SLC25A36: variants seen among roughly 807,000 people sequenced by gnomAD.
The protein encoded by SLC25A36 is epididymis secretory sperm binding protein.
Under a neutral mutation model 35.3 loss-of-function variants are expected in SLC25A36, and 24 were observed. The observed-to-expected ratio is 0.68, with a 90% confidence interval of 0.49 to 0.96. The LOEUF is 0.96. SLC25A36 is among the 40% of genes least tolerant of loss of function. SLC25A36 has a pLI of 0.00. For missense variants in SLC25A36, 294 were observed against 381.1 expected, an observed-to-expected ratio of 0.77 and a Z score of 1.90; for synonymous variants, 141 against 132.2, an observed-to-expected ratio of 1.07 and a Z score of -0.46.
chr3:140,975,849 G>A (rs1345431825), intron 6 of SLC25A36, among the ~76,000 whole-genome samples: 1 of 152,106 alleles, frequency 6.6e-6, no homozygotes, highest in Non-Finnish European at 1.5e-5. Flanking sequence ...TAATGCTATT[G>A]TTTCTTTGTA....
At chr3:140,976,081 G>T (rs193092612) in intron 6 of SLC25A36, among the ~76,000 whole-genome samples, 179 bp from the exon 7 acceptor site, 1 of 152,094 alleles carries the variant, frequency 6.6e-6, no homozygotes, top group East Asian at 1.9e-4. Context: ...ACATGATTTT[G>T]GCCATATTAG....
chr3:140,954,796 A>G (rs561293911), intron 1 of SLC25A36, among the ~76,000 whole-genome samples: 1 of 152,066 alleles, frequency 6.6e-6, no homozygotes, highest in East Asian at 1.9e-4. Flanking sequence ...AGTTTCTTTC[A>G]TTGTGTTAGC....
At chr3:140,950,423 T>C (rs1402465046) in intron 1 of SLC25A36, among the ~76,000 whole-genome samples, 4 of 152,228 alleles carry the variant, frequency 2.6e-5, no homozygotes, top group African/African-American at 9.7e-5. Flanking sequence ...TAATCCTATC[T>C]TGATTGGTTT....
intron 1 of SLC25A36, among the ~76,000 whole-genome samples, chr3:140,952,013 TTC>T (rs1253480438): frequency 6.8e-6 from 1 of 146,974 alleles, no homozygotes; most frequent in South Asian, 2.1e-4. Flanking sequence ...TTTCCTTTCT[TTC>T]TCTCTTTTTT....
chr3:140,975,842 T>C (rs924440502), intron 6 of SLC25A36, among the ~76,000 whole-genome samples: 57 of 152,226 alleles, frequency 3.7e-4, no homozygotes, highest in African/African-American at 1.3e-3. Flanking sequence ...AGATTAATAA[T>C]GCTATTGTTT....
chr3:140,954,975 A>G (rs1252719901), intron 1 of SLC25A36, among the ~76,000 whole-genome samples: 2 of 152,082 alleles, frequency 1.3e-5, no homozygotes, highest in Non-Finnish European at 2.9e-5. Flanking sequence ...TAGTTTCATC[A>G]TTTTAAACTT....
At chr3:140,949,468 G>T (rs1035206761) in intron 1 of SLC25A36, among the ~76,000 whole-genome samples, 2 of 152,140 alleles carry the variant, frequency 1.3e-5, no homozygotes, top group Non-Finnish European at 2.9e-5. Flanking sequence ...TATTCTATAA[G>T]ATCAATACAT....
chr3:140,947,331 T>C (rs1576475750), intron 1 of SLC25A36, among the ~76,000 whole-genome samples: 1 of 152,148 alleles, frequency 6.6e-6, no homozygotes, highest in Admixed American at 6.5e-5. Flanking sequence ...TTACTTTTAC[T>C]AAACCTGCCA....
rs555148538 is a variant in SLC25A36, at chr3:140,978,388, A to G, written c.*1935A>G. 4 of 152,308 alleles carry G rather than the reference A, an allele frequency of 2.6e-5. No individual in the cohort carries two copies. The highest frequency in any genetic ancestry group is 9.6e-5 in the African/African-American group (4 of 41,574). 9.4% of individuals were successfully genotyped at this position (152,308 alleles called of 1,614,324 possible). On this transcript the variant is annotated 3_prime_UTR_variant, in exon 7 of 7. Coordinates refer to ENST00000324194, the MANE Select transcript of SLC25A36 (RefSeq NM_001104647.3). Reference sequence around the variant, plus strand: ...TATCGTGTTTGCCTTTTCAGGTGCCATTTCTACTGCCTAATACAGTGCCAT... The same window carrying G: ...TATCGTGTTTGCCTTTTCAGGTGCCGTTTCTACTGCCTAATACAGTGCCAT...
chr3:140,958,477 A>G (rs1002253256), intron 2 of SLC25A36, among the ~76,000 whole-genome samples: 1 of 152,206 alleles, frequency 6.6e-6, no homozygotes, highest in African/African-American at 2.4e-5. Context: ...TCCCAATGTC[A>G]GGGGCCTCGC....
rs1456499099 is a variant in SLC25A36, at chr3:140,979,822, G to C, written c.*3369G>C. On this transcript the variant is annotated 3_prime_UTR_variant, in exon 7 of 7. Transcript: ENST00000324194. ...CTTTTGACTATTCATGTGAGGTTTGGTATCTTGCATTTATGTACATGGCTG... is the reference window on the plus strand; with the variant it reads ...CTTTTGACTATTCATGTGAGGTTTGCTATCTTGCATTTATGTACATGGCTG... 2 of 152,058 alleles carry C rather than the reference G, an allele frequency of 1.3e-5. No homozygotes were observed. Among genetic ancestry groups the C allele is most frequent in the African/African-American group, 4.8e-5 (2 of 41,406 alleles). 9.4% of individuals were successfully genotyped at this position (152,058 alleles called of 1,614,324 possible).
rs1173156258 is a variant in SLC25A36 at position 140,956,583 on chromosome 3, G to A, written c.98G>A (p.Arg33Gln). Residue 33 changes from arginine to glutamine, a missense_variant, in exon 2 of 7, where the codon CGA (arginine) becomes CAA (glutamine). Arg to Gln is a conservative substitution (Grantham distance 43). Around this residue, in one of 2 missense-constraint regions of SLC25A36, gnomAD observed 185 missense variants for 201.5 expected, o/e 0.92. Coordinates refer to ENST00000324194, the MANE Select transcript of SLC25A36 (RefSeq NM_001104647.3). ...LTCPLEVVKT[R>Q]LQSSSVTLYI... ...TGTCCACTGGAAGTTGTAAAAACAC[G>A]ACTGCAGTCATCTTCTGTGACGCTT... 9 of 1,611,642 alleles carry A rather than the reference G, an allele frequency of 5.6e-6. No individual in the cohort carries two copies. The highest frequency in any genetic ancestry group is 5.9e-6 in the Non-Finnish European group (7 of 1,179,538).
rs935629542 is a variant in SLC25A36, at chr3:140,976,594, A to G, written c.*141A>G. ...TCTAAGTGGAAGTTTTGTTGTAGGA[A>G]TTATAGTAATCACACCACATTACTT... is the stretch of plus-strand genomic sequence containing the variant. On this transcript the variant is annotated 3_prime_UTR_variant, in exon 7 of 7. Transcript: ENST00000324194. 10 of 585,474 alleles carry G rather than the reference A, an allele frequency of 1.7e-5. No individual in the cohort carries two copies. The highest frequency in any genetic ancestry group is 2.7e-5 in the Non-Finnish European group (10 of 368,868). The allele number at this position is 585,474 out of a possible 1,614,324, so 36.3% of individuals were successfully genotyped here.
chr3:140,944,245 G>C (rs1431340051), intron 1 of SLC25A36, among the ~76,000 whole-genome samples: 2 of 152,188 alleles, frequency 1.3e-5, no homozygotes, highest in Non-Finnish European at 2.9e-5. Context: ...AAGTAGAATT[G>C]TAATATTCAA....
At chr3:140,959,831 T>C (rs543271565) in intron 3 of SLC25A36, among the ~76,000 whole-genome samples, 16 of 152,170 alleles carry the variant, frequency 1.1e-4, no homozygotes, top group Non-Finnish European at 2.2e-4. Flanking sequence ...AAAGGCTATG[T>C]TTCATAATGT....
intron 1 of SLC25A36, among the ~76,000 whole-genome samples, chr3:140,945,814 A>G (rs1242947134): frequency 6.6e-6 from 1 of 152,138 alleles, no homozygotes; most frequent in Non-Finnish European, 1.5e-5. Flanking sequence ...ATTAAATCAC[A>G]ACCTTTGAAT....
intron 4 of SLC25A36, chr3:140,964,044 A>C (rs926674549): frequency 1.3e-5 from 2 of 151,922 alleles, no homozygotes; most frequent in Non-Finnish European, 2.9e-5. Flanking sequence ...CATATCTCAC[A>C]TTTTCAAATT....
chr3:140,952,090 C>T (rs1270597515), intron 1 of SLC25A36, among the ~76,000 whole-genome samples: 1 of 151,346 alleles, frequency 6.6e-6, no homozygotes, highest in Non-Finnish European at 1.5e-5. Flanking sequence ...AATCTCGGCT[C>T]ACTGCAACCT....
chr3:140,956,827 CATA>C, intron 2 of SLC25A36, 136 bp downstream of exon 2: 3 of 1,321,374 alleles, frequency 2.3e-6, no homozygotes. Flanking sequence ...GAATTGTACT[CATA>C]AGGAATGATA....
Sources: allele counts gnomAD v4.1 joint callset (sites outside exome capture counted in the v4.1 genomes callset), GRCh38; gene constraint gnomAD v4.1.1; regional missense constraint gnomAD v4.1.1; transcripts MANE v1.5; gene names NCBI Gene and HGNC (gene_info 2026-07-23, HGNC 2026-07-21).